DMD: variants seen among roughly 807,000 people sequenced by gnomAD.
DMD encodes the protein dystrophin, also known as mutant dystrophin.
In DMD, 63 loss-of-function variants were observed where a neutral mutation model predicts 330.1. The observed-to-expected ratio is 0.19, with a 90% CI of 0.16 to 0.24. The LOEUF is 0.24. DMD is among the 10% of genes least tolerant of loss of function. The pLI, the probability that DMD is intolerant of heterozygous loss-of-function variation, is 1.00. For missense variants in DMD, 3,344 were observed against 2,684.1 expected, an observed-to-expected ratio of 1.25 and a Z score of -5.43; for synonymous variants, 1,223 against 959.8, an observed-to-expected ratio of 1.27 and a Z score of -5.07.
chrX:31,464,499 G>C (rs1363572764), intron 59 of DMD, among the ~76,000 whole-genome samples: 2 of 112,075 alleles, frequency 1.8e-5, no homozygotes, highest in Non-Finnish European at 3.8e-5. Flanking sequence ...TAAATAAATG[G>C]CTTTATGCTT....
chrX:32,312,941 C>CAAAAAAAAAAAAAAAAAAAAAAAAAAAA (rs1171543953), intron 41 of DMD, among the ~76,000 whole-genome samples: 8 of 19,173 alleles, frequency 4.2e-4, no homozygotes, highest in Admixed American at 9.9e-4. Context: ...AGCCTACGAA[C>CAAAAAAAAAAAAAAAAAAAAAAAAAAAA]CAAAAAAAAA....
intron 41 of DMD, among the ~76,000 whole-genome samples, chrX:32,333,049 C>A (rs2097688836): frequency 8.9e-6 from 1 of 111,746 alleles, no homozygotes; most frequent in Admixed American, 9.6e-5. Flanking sequence ...AGAAACAATA[C>A]ATAGAAAGGT....
At chrX:33,244,632 G>A (rs1479733120) in intron 1 of DMD, among the ~76,000 whole-genome samples, 1 of 111,510 alleles carries the variant, frequency 9.0e-6, no homozygotes, top group Non-Finnish European at 1.9e-5. Context: ...GATTTGATTC[G>A]TAGTTTTTTA....
intron 55 of DMD, among the ~76,000 whole-genome samples, chrX:31,517,132 A>G (rs950134521): frequency 8.9e-6 from 1 of 111,872 alleles, no homozygotes; most frequent in African/African-American, 3.2e-5. Flanking sequence ...CCGAATATTT[A>G]TTCATCACAA....
chrX:32,636,914 C>T (rs1193052761), intron 11 of DMD, among the ~76,000 whole-genome samples: 4 of 109,862 alleles, frequency 3.6e-5, no homozygotes, highest in South Asian at 4.0e-4. Context: ...AGGAGAATGG[C>T]GTGAACCCGG....
In DMD at chrX:31,479,042, C is replaced by T. The variant is rs373481995; in HGVS notation, c.8609G>A (p.Arg2870Gln). Reference sequence around the variant, plus strand: ...CAAAGGCTGCTCTGTCAGAAATATTCGTACAGTCTCAAGAGTACTCATGAT... The same window carrying T: ...CAAAGGCTGCTCTGTCAGAAATATTTGTACAGTCTCAAGAGTACTCATGAT... ...PVIMSTLETV[R>Q]IFLTEQPLEG... is the part of the protein sequence containing the mutation. The change falls in exon 58 of 79, where the codon CGA becomes CAA. Residue 2870 changes from arginine (R) to glutamine (Q), a missense_variant. By Grantham distance (43) the Arg-to-Gln change is conservative. Coordinates refer to ENST00000357033, the MANE Select transcript of DMD (RefSeq NM_004006.3). 1.3e-5 allele frequency: 16 copies of T among 1,205,874 alleles called. No homozygotes were observed. In the African/African-American group the frequency reaches 1.8e-4, roughly 13 times the overall value.
intron 18 of DMD, among the ~76,000 whole-genome samples, chrX:32,505,791 G>T (rs2044557952): frequency 9.0e-6 from 1 of 111,712 alleles, no homozygotes; most frequent in African/African-American, 3.3e-5. Flanking sequence ...TAAACTGTGA[G>T]ACATCCAGAC....
At chrX:32,493,703 G>A (rs2043222005) in intron 19 of DMD, among the ~76,000 whole-genome samples, 1 of 111,752 alleles carries the variant, frequency 8.9e-6, no homozygotes. Context: ...ATGATAAAAC[G>A]TTAACATTTC....
At chrX:33,272,731 T>C (rs1206249393) in intron 1 of DMD, among the ~76,000 whole-genome samples, 1 of 110,071 alleles carries the variant, frequency 9.1e-6, no homozygotes, top group African/African-American at 3.3e-5. Context: ...GAGCTGTTTA[T>C]GATCTGGTTA....
rs189883934 is a variant in DMD at position 33,337,379 on chromosome X, C to T, written c.7+1880G>A. Among the ~76,000 whole-genome samples the T allele has an allele frequency of 1.8e-3, 203 of 111,467 alleles. 2 individuals carry two copies. Among genetic ancestry groups the T allele is most frequent in the Non-Finnish European group, 2.8e-3 (149 of 52,937 alleles). On this transcript the variant is annotated intron_variant, in intron 1 of 17. Transcript: ENST00000288447. ...GACAGAGCTGAATTTTCTCAACCAACCACAAAATAACCCTGTAGCATTTGG... is the reference window on the plus strand; with the variant it reads ...GACAGAGCTGAATTTTCTCAACCAATCACAAAATAACCCTGTAGCATTTGG...
intron 12 of DMD, among the ~76,000 whole-genome samples, chrX:32,601,143 G>A (rs1268590933): frequency 9.0e-6 from 1 of 111,029 alleles, no homozygotes; most frequent in African/African-American, 3.3e-5. Flanking sequence ...GATATGATCT[G>A]GAAAGGACTT....
chrX:32,164,012 C>G (rs896040868), intron 44 of DMD, among the ~76,000 whole-genome samples: 1 of 111,653 alleles, frequency 9.0e-6, no homozygotes, highest in African/African-American at 3.3e-5. Flanking sequence ...TGGATAATTT[C>G]TCCCCTTCCT....
intron 1 of DMD, among the ~76,000 whole-genome samples, chrX:33,174,198 C>A (rs1212968150): frequency 9.1e-6 from 1 of 109,966 alleles, no homozygotes; most frequent in African/African-American, 3.3e-5. Context: ...TTTTGAGGAT[C>A]ACTTGTCAGG....
chrX:31,501,470 A>T (rs1413160594), intron 56 of DMD, among the ~76,000 whole-genome samples: 2 of 112,215 alleles, frequency 1.8e-5, no homozygotes, highest in Non-Finnish European at 3.8e-5. Context: ...TGAAGACAAG[A>T]GCTTAGGGGT....
chrX:31,508,870 T>C (rs1210329897), intron 55 of DMD, among the ~76,000 whole-genome samples: 1 of 111,715 alleles, frequency 9.0e-6, no homozygotes, highest in East Asian at 2.8e-4. Flanking sequence ...TTAGAAATTC[T>C]GAAGAACTGG....
At chrX:31,768,917 T>C (rs1438774591) in intron 51 of DMD, among the ~76,000 whole-genome samples, 1 of 112,437 alleles carries the variant, frequency 8.9e-6, no homozygotes, top group South Asian at 3.6e-4. Context: ...TTTTTTTAAA[T>C]GGCTGTATTC....
chrX:32,879,227 A>T (rs1261611486), intron 2 of DMD, among the ~76,000 whole-genome samples: 2 of 111,241 alleles, frequency 1.8e-5, no homozygotes, highest in Non-Finnish European at 3.8e-5. Context: ...AAGGGCATTC[A>T]GGTAGAGATG....
chrX:32,385,285 C>T (rs1172700434), intron 33 of DMD, among the ~76,000 whole-genome samples: 3 of 109,832 alleles, frequency 2.7e-5, no homozygotes, highest in Middle Eastern at 4.6e-3. Context: ...ACCAAGGGGC[C>T]GAGAATACAC....
intron 47 of DMD, among the ~76,000 whole-genome samples, chrX:31,920,274 C>A (rs2094671493): frequency 9.0e-6 from 1 of 111,254 alleles, no homozygotes; most frequent in Admixed American, 9.7e-5. Flanking sequence ...TAAAAATCAC[C>A]CTGTTATTTT....
Sources: allele counts gnomAD v4.1 joint callset (sites outside exome capture counted in the v4.1 genomes callset), GRCh38; gene constraint gnomAD v4.1.1; transcripts MANE v1.5; gene names NCBI Gene and HGNC (gene_info 2026-07-23, HGNC 2026-07-21).